Variants in MAST4 observed in about 807,000 individuals in gnomAD.
MAST4 encodes the protein microtubule associated serine/threonine kinase family member 4.
A neutral mutation model predicts 162.7 loss-of-function variants in MAST4; 89 were observed. The observed-to-expected ratio is 0.55, with a 90% CI of 0.46 to 0.65. The LOEUF (loss-of-function observed/expected upper bound fraction) is 0.65. MAST4 is among the 30% of genes least tolerant of loss of function. The pLI is 0.00. For synonymous variants in MAST4, 1,479 were observed against 1,361.1 expected, an observed-to-expected ratio of 1.09 and a Z score of -1.91; for missense variants, 3,153 against 3,374.0, an observed-to-expected ratio of 0.93 and a Z score of 1.62.
intron 4 of MAST4, among the ~76,000 whole-genome samples, chr5:66,996,172 G>A (rs761784458): frequency 1.4e-4 from 21 of 152,018 alleles, no homozygotes; most frequent in East Asian, 5.8e-4. Flanking sequence ...CCGGCTACTC[G>A]GGAGGCTGAG....
At chr5:67,145,441 A>C in intron 23 of MAST4, 62 bp downstream of exon 23, 1 of 1,463,750 alleles carries the variant, frequency 6.8e-7, no homozygotes, top group East Asian at 2.3e-5. Flanking sequence ...CCTAGTGCTC[A>C]GTCCCAGGGC....
At chr5:66,756,933 C>T (rs1753576397) in intron 1 of MAST4, among the ~76,000 whole-genome samples, 1 of 152,158 alleles carries the variant, frequency 6.6e-6, no homozygotes, top group African/African-American at 2.4e-5. Flanking sequence ...AAATAATACT[C>T]CCTTCTTGTG....
intron 2 of MAST4, among the ~76,000 whole-genome samples, chr5:66,782,907 G>A (rs1040802787): frequency 6.6e-6 from 1 of 152,182 alleles, no homozygotes; most frequent in African/African-American, 2.4e-5. Flanking sequence ...AGAGGCTCTT[G>A]ATAGTCATCA....
intron 4 of MAST4, among the ~76,000 whole-genome samples, chr5:67,000,422 A>G (rs1192055790): frequency 6.6e-6 from 1 of 152,132 alleles, no homozygotes; most frequent in Non-Finnish European, 1.5e-5. Flanking sequence ...ATCTTTTAAC[A>G]TTGTTCTACG....
chr5:66,745,863 T>A (rs914927533), intron 1 of MAST4, among the ~76,000 whole-genome samples: 1 of 152,190 alleles, frequency 6.6e-6, no homozygotes, highest in Non-Finnish European at 1.5e-5. Flanking sequence ...GGTAAACAAA[T>A]TTTTTTAAAG....
chr5:66,647,322 T>C (rs1745905687), intron 1 of MAST4, among the ~76,000 whole-genome samples: 1 of 152,172 alleles, frequency 6.6e-6, no homozygotes, highest in Admixed American at 6.6e-5. Flanking sequence ...TTCTGGCCTC[T>C]GATTCACCTC....
At chr5:66,843,697 G>A (rs1268253734) in intron 3 of MAST4, among the ~76,000 whole-genome samples, 2 of 152,132 alleles carry the variant, frequency 1.3e-5, no homozygotes, top group African/African-American at 2.4e-5. Flanking sequence ...CTTTCTGGGA[G>A]CCATATCAAA....
chr5:66,672,911 T>A (rs1747698322), intron 1 of MAST4, among the ~76,000 whole-genome samples: 1 of 152,194 alleles, frequency 6.6e-6, no homozygotes, highest in Non-Finnish European at 1.5e-5. Context: ...CCCCCAGCCC[T>A]TACATGAGGG....
At chr5:67,005,743 G>C (rs1751949112) in intron 4 of MAST4, among the ~76,000 whole-genome samples, 1 of 152,224 alleles carries the variant, frequency 6.6e-6, no homozygotes, top group Admixed American at 6.5e-5. Flanking sequence ...CCAAGAGTTT[G>C]CTGACACTTG....
intron 6 of MAST4, among the ~76,000 whole-genome samples, chr5:67,092,900 A>G (rs1764026813): frequency 6.6e-6 from 1 of 152,158 alleles, no homozygotes; most frequent in African/African-American, 2.4e-5. Flanking sequence ...ATTCATTTGA[A>G]TCTGCTGAGT....
chr5:66,786,332 A>G (rs950057578), intron 2 of MAST4, among the ~76,000 whole-genome samples: 1 of 152,088 alleles, frequency 6.6e-6, no homozygotes, highest in Non-Finnish European at 1.5e-5. Flanking sequence ...GAGGCAGAAC[A>G]ACAGTGAGGC....
chr5:66,822,444 G>C (rs531751642), intron 3 of MAST4, among the ~76,000 whole-genome samples: 1 of 152,298 alleles, frequency 6.6e-6, no homozygotes, highest in African/African-American at 2.4e-5. Context: ...GGGTGCTCTT[G>C]GTTTTGTGGA....
intron 4 of MAST4, among the ~76,000 whole-genome samples, chr5:66,903,591 G>C (rs889654537): frequency 1.3e-5 from 2 of 152,040 alleles, no homozygotes; most frequent in Non-Finnish European, 2.9e-5. Context: ...AAAAAATTAT[G>C]ATGATAAATT....
At chr5:66,829,934 T>C (rs552278127) in intron 3 of MAST4, among the ~76,000 whole-genome samples, 45 of 152,290 alleles carry the variant, frequency 3.0e-4, no homozygotes, top group Middle Eastern at 3.4e-3. Context: ...CATCTATTGT[T>C]CAAACCTAAG....
chr5:66,777,582 G>A (rs907133064), intron 2 of MAST4, among the ~76,000 whole-genome samples: 6 of 152,142 alleles, frequency 3.9e-5, no homozygotes, highest in South Asian at 2.1e-4. Context: ...TTGATTTTAT[G>A]AGTTTAGAAA....
intron 4 of MAST4, chr5:66,963,742 G>T (rs777852611): frequency 1.3e-6 from 1 of 779,802 alleles, no homozygotes; most frequent in South Asian, 1.3e-5. Context: ...ACCCCATCCA[G>T]CCCAGGCAGT....
At chr5:66,681,261 T>C (rs1748311353) in intron 1 of MAST4, among the ~76,000 whole-genome samples, 1 of 152,204 alleles carries the variant, frequency 6.6e-6, no homozygotes, top group African/African-American at 2.4e-5. Flanking sequence ...CCAGAAATAT[T>C]AAATGATTTG....
intron 5 of MAST4, among the ~76,000 whole-genome samples, chr5:67,069,287 G>GAGATATATATATATATATATATATATAT (rs138978370): frequency 4.6e-5 from 5 of 107,628 alleles, no homozygotes; most frequent in African/African-American, 1.6e-4. Context: ...GAGGAGATTG[G>GAGATATATATATATATATATATATATAT]ATATATATAT....
intron 4 of MAST4, among the ~76,000 whole-genome samples, chr5:66,974,076 G>A (rs896849860): frequency 6.6e-6 from 1 of 152,004 alleles, no homozygotes; most frequent in Non-Finnish European, 1.5e-5. Flanking sequence ...CACTTCCTTA[G>A]CATCTATAGT....
Sources: allele counts gnomAD v4.1 joint callset (sites outside exome capture counted in the v4.1 genomes callset), GRCh38; gene constraint gnomAD v4.1.1; transcripts MANE v1.5; gene names NCBI Gene and HGNC (gene_info 2026-07-23, HGNC 2026-07-21).